SLMAP: variants seen among roughly 807,000 people sequenced by gnomAD.
SLMAP encodes sarcolemma associated protein.
In SLMAP, 44 loss-of-function variants were observed where a neutral mutation model predicts 128.8. The observed-to-expected ratio is 0.34, with a 90% confidence interval of 0.27 to 0.44. The LOEUF (loss-of-function observed/expected upper bound fraction) is 0.44, where lower values mean the gene tolerates loss of function less well. Among genes scored for constraint, SLMAP ranks in the 20% least tolerant of loss-of-function variants. The pLI, the probability that SLMAP is intolerant of heterozygous loss-of-function variation, is 1.00. For synonymous variants in SLMAP, 327 were observed against 348.8 expected (o/e 0.94, Z 0.70); for missense variants, 787 against 985.3 (o/e 0.80, Z 2.69).
chr3:57,917,329 TATATG>T, intron 22 of SLMAP: 1 of 827,540 alleles, frequency 1.2e-6, no homozygotes, highest in Non-Finnish European at 1.7e-6. Context: ...ACCAGTTACT[TATATG>T]AGAAATCCTT....
chr3:57,869,399 A>C (rs972722344), intron 13 of SLMAP, among the ~76,000 whole-genome samples: 2 of 151,256 alleles, frequency 1.3e-5, no homozygotes, highest in Non-Finnish European at 2.9e-5. Flanking sequence ...CCCAGGATTA[A>C]TACTTTGTAT....
intron 2 of SLMAP, among the ~76,000 whole-genome samples, chr3:57,809,457 A>C (rs1450964939): frequency 1.3e-5 from 2 of 152,156 alleles, no homozygotes; most frequent in African/African-American, 4.8e-5. Flanking sequence ...GGTGCTGACA[A>C]ACATAGGAAG....
rs1312137487 is a variant in SLMAP at position 57,906,206 on chromosome 3, C to G, written c.1502-1678C>G. On this transcript the variant is annotated intron_variant, in intron 17 of 24. Coordinates refer to ENST00000671191, the MANE Select transcript of SLMAP (RefSeq NM_001377540.1). The stretch of plus-strand genomic sequence containing the variant: ...AGTGTTTCTGCCACTGGAAAAATCT[C>G]TCTCTCTACATGCCCCTTCCCTGGC... 6.0e-5 allele frequency among the ~76,000 whole-genome samples: 9 copies of G among 151,206 alleles called. 1 individual carries two copies.
At chr3:57,806,219 C>G (rs2089819333) in intron 2 of SLMAP, among the ~76,000 whole-genome samples, 1 of 151,980 alleles carries the variant, frequency 6.6e-6, no homozygotes, top group South Asian at 2.1e-4. Flanking sequence ...CCCCCTGCCC[C>G]CCAACTGGCC....
At chr3:57,885,423 GTT>G (rs71091314) in intron 14 of SLMAP, among the ~76,000 whole-genome samples, 41 of 135,262 alleles carry the variant, frequency 3.0e-4, no homozygotes, top group East Asian at 6.7e-4. Flanking sequence ...TTGTTTTTGT[GTT>G]TTTTTTTTTT....
chr3:57,850,827 G>A (rs994939927), intron 6 of SLMAP, among the ~76,000 whole-genome samples: 2 of 152,066 alleles, frequency 1.3e-5, no homozygotes, highest in South Asian at 4.2e-4. Context: ...TAGAGACAGG[G>A]TTTTACCATG....
chr3:57,816,339 T>C (rs2091859242), intron 2 of SLMAP, among the ~76,000 whole-genome samples: 1 of 152,122 alleles, frequency 6.6e-6, no homozygotes, highest in African/African-American at 2.4e-5. Flanking sequence ...AGATGGGGTT[T>C]CTCCATGTTG....
intron 8 of SLMAP, 25 bp downstream of exon 8, chr3:57,858,184 A>G (rs754709850): frequency 7.7e-7 from 1 of 1,296,428 alleles, no homozygotes; most frequent in South Asian, 1.2e-5. Flanking sequence ...CAAATGTGTA[A>G]AATGAAATGC....
chr3:57,881,202 A>G (rs2095734366), intron 14 of SLMAP, among the ~76,000 whole-genome samples: 1 of 152,120 alleles, frequency 6.6e-6, no homozygotes, highest in Non-Finnish European at 1.5e-5. Flanking sequence ...TCAAAAAAAA[A>G]AAGTTTTAAA....
chr3:57,896,300 G>C, intron 15 of SLMAP: 3 of 1,280,730 alleles, frequency 2.3e-6, no homozygotes, highest in Non-Finnish European at 3.0e-6. Context: ...AAGCAGACAT[G>C]ATCCACATTA....
In SLMAP at chr3:57,912,597, C is replaced by T. The variant is rs1420792918; in HGVS notation, c.1916C>T (p.Ala639Val). 1.3e-5 allele frequency: 21 copies of T among 1,614,010 alleles called. No individual in the cohort carries two copies. The highest frequency in any genetic ancestry group is 1.7e-5 in the Non-Finnish European group (20 of 1,179,998). ...VRAELERWRK[A>V]ASEYEKEITS... Reference sequence around the variant, plus strand: ...GCTGAGCTTGAGCGGTGGCGGAAAGCAGCGTCTGAATATGAGAAAGAAATC... The same window carrying T: ...GCTGAGCTTGAGCGGTGGCGGAAAGTAGCGTCTGAATATGAGAAAGAAATC... Residue 639 changes from alanine (A) to valine (V), a missense_variant, in exon 20 of 25, where the codon GCA becomes GTA. Around this residue, in one of 2 missense-constraint regions of SLMAP, gnomAD observed 715 missense variants for 843.6 expected, o/e 0.85. Coordinates refer to ENST00000671191, the MANE Select transcript of SLMAP (RefSeq NM_001377540.1).
intron 2 of SLMAP, among the ~76,000 whole-genome samples, chr3:57,801,890 C>G (rs1408503323): frequency 6.6e-6 from 1 of 151,956 alleles, no homozygotes; most frequent in Non-Finnish European, 1.5e-5. Flanking sequence ...TTATGGTACT[C>G]TTGGAAGCAC....
chr3:57,888,037 CA>C (rs1406899391), intron 14 of SLMAP, among the ~76,000 whole-genome samples: 1 of 152,094 alleles, frequency 6.6e-6, no homozygotes, highest in Non-Finnish European at 1.5e-5. Context: ...AGCAAAATCA[CA>C]AAGTATTTAC....
rs534986258 is a variant in SLMAP at position 57,787,366 on chromosome 3, T to G, written c.198+29517T>G. 2.6e-5 allele frequency among the ~76,000 whole-genome samples: 4 copies of G among 152,332 alleles called. No individual in the cohort carries two copies. In the South Asian group the frequency reaches 8.3e-4, roughly 32 times the overall value. On this transcript the variant is annotated intron_variant, in intron 2 of 24. Transcript: ENST00000671191. ...ATCGATTGCTTTGTCATGGACTGAA[T>G]CTATACAATCATATTTTCAAGCTAA...
chr3:57,855,714 A>AC (rs2094738206), intron 6 of SLMAP, among the ~76,000 whole-genome samples: 1 of 149,366 alleles, frequency 6.7e-6, no homozygotes, highest in Non-Finnish European at 1.5e-5. Context: ...CATCTGTTAA[A>AC]AAAAAAAAAA....
At chr3:57,803,208 A>G (rs1449172644) in intron 2 of SLMAP, among the ~76,000 whole-genome samples, 2 of 152,160 alleles carry the variant, frequency 1.3e-5, no homozygotes, top group African/African-American at 4.8e-5. Context: ...GTTTGCATTC[A>G]TTAGGATAGA....
chr3:57,859,899 G>A (rs987629754), intron 8 of SLMAP, among the ~76,000 whole-genome samples: 7 of 152,208 alleles, frequency 4.6e-5, no homozygotes, highest in Admixed American at 2.0e-4. Flanking sequence ...TGTTTTCTAC[G>A]GGGAAAGCAA....
At chr3:57,777,778 C>T (rs1317551601) in intron 2 of SLMAP, among the ~76,000 whole-genome samples, 3 of 152,132 alleles carry the variant, frequency 2.0e-5, no homozygotes, top group East Asian at 1.9e-4. Context: ...TAAACAAATG[C>T]TCAACTTTCA....
rs1324466426 is a variant in SLMAP at position 57,756,902 on chromosome 3, G to T, written c.-750G>T. 6.6e-6 allele frequency: 1 copy of T among 152,210 alleles called. No homozygotes were observed. The highest frequency in any genetic ancestry group is 1.5e-5 in the Non-Finnish European group (1 of 68,052). 9.4% of individuals were successfully genotyped at this position (152,210 alleles called of 1,614,324 possible). A position where few individuals can be genotyped will look rare whatever the true frequency, so the allele number is the denominator to read the frequency against. ...CCCCGCCCTGGTCGCGGGGACGCTC[G>T]CCAGGTGCCCAGGAGTCCCGACTTG... On this transcript the variant is annotated 5_prime_UTR_variant, in exon 2 of 25. Coordinates refer to ENST00000671191, the MANE Select transcript of SLMAP (RefSeq NM_001377540.1).
Sources: allele counts gnomAD v4.1 joint callset (sites outside exome capture counted in the v4.1 genomes callset), GRCh38; gene constraint gnomAD v4.1.1; regional missense constraint gnomAD v4.1.1; transcripts MANE v1.5; gene names NCBI Gene and HGNC (gene_info 2026-07-23, HGNC 2026-07-21).